TADA3: variants seen among roughly 807,000 people sequenced by gnomAD.
The protein encoded by TADA3 is transcriptional adapter 3.
Under a neutral mutation model 43.2 loss-of-function variants are expected in TADA3, and 25 were observed. The observed-to-expected ratio is 0.58, with a 90% CI of 0.42 to 0.81. The LOEUF (loss-of-function observed/expected upper bound fraction) is 0.81. Ranked by LOEUF, TADA3 falls within the 30% of genes least tolerant of loss-of-function variation. The pLI is 0.00. For synonymous variants in TADA3, 235 were observed against 225.5 expected (o/e 1.04, Z -0.38); for missense variants, 441 against 567.8 (o/e 0.78, Z 2.27).
chr3:9,786,725 G>A (rs1386705104), intron 6 of TADA3, among the ~76,000 whole-genome samples: 2 of 152,154 alleles, frequency 1.3e-5, no homozygotes, highest in Non-Finnish European at 2.9e-5. Flanking sequence ...GCATGAGAGG[G>A]GCTTCTAGGA....
rs767833803 is a variant in TADA3 at position 9,781,639 on chromosome 3, T to A, written c.1107-1090A>T. On this transcript the variant is annotated intron_variant, in intron 8 of 8. Transcript: ENST00000301964. ...CAGATCAATCTCTCTGAACAGGGTC[T>A]GATTTATACATTTCATCGATGGTGG... The A allele has an allele frequency of 9.1e-5, 40 of 438,764 alleles. 1 individual carries two copies. Among genetic ancestry groups the A allele is most frequent in the South Asian group, 6.2e-4 (40 of 64,236 alleles). 27.2% of individuals were successfully genotyped at this position (438,764 alleles called of 1,614,324 possible).
rs767722587 is a variant in TADA3 at position 9,784,057 on chromosome 3, G to A, written c.1077C>T (p.His359=). The A allele has an allele frequency of 9.9e-6, 16 of 1,614,024 alleles. No individual in the cohort carries two copies. Among genetic ancestry groups the A allele is most frequent in the East Asian group, 2.2e-5 (1 of 44,892 alleles). The change falls in exon 8 of 9, where the codon CAC becomes CAT. Residue 359 remains histidine, a synonymous_variant. Coordinates refer to ENST00000301964, the MANE Select transcript of TADA3 (RefSeq NM_006354.5). The part of the protein sequence containing the change: ...RQAELKALSA[H]NRTKKHDLLR... The stretch of plus-strand genomic sequence containing the variant: ...GCAGGTCGTGCTTCTTGGTGCGGTT[G>A]TGGGCACTAAGTGCCTTCAGCTCAG...
intron 8 of TADA3, chr3:9,783,809 A>T: frequency 1.3e-6 from 1 of 766,348 alleles, no homozygotes; most frequent in South Asian, 3.1e-5. Context: ...AAATCAAATC[A>T]ATCGGTCAGT....
intron 4 of TADA3, chr3:9,787,581 G>T (rs2078645677): frequency 1.9e-6 from 2 of 1,033,492 alleles, no homozygotes; most frequent in Admixed American, 2.8e-5. Context: ...TAATTCCCAA[G>T]ATAGAAGGTG....
rs17050572 is a variant in TADA3 at position 9,790,643 on chromosome 3, A to T, written c.207+617T>A. Among the ~76,000 whole-genome samples the T allele has an allele frequency of 2.2e-3, 335 of 152,352 alleles. 11 individuals carry two copies. In the East Asian group the frequency reaches 0.06, roughly 27 times the overall value. ...TTTATGCAGTGAATAAAGTCATCAG[A>T]GTAGCAAATAAATAACATCTGAAGT... On this transcript the variant is annotated intron_variant, in intron 2 of 8. Transcript: ENST00000301964.
At chr3:9,788,496 C>T (rs1044101161) in intron 4 of TADA3, among the ~76,000 whole-genome samples, 11 of 150,178 alleles carry the variant, frequency 7.3e-5, no homozygotes, top group Non-Finnish European at 1.3e-4. Flanking sequence ...CTGCCCGCCT[C>T]GGCCTCCCAA....
chr3:9,786,870 A>T (rs1374297284), intron 6 of TADA3, 136 bp downstream of exon 6: 9 of 711,602 alleles, frequency 1.3e-5, no homozygotes, highest in Non-Finnish European at 2.2e-5. Context: ...GCTATATATT[A>T]GTCCAGGTTT....
chr3:9,787,622 C>A, intron 4 of TADA3: 1 of 1,257,848 alleles, frequency 8.0e-7, no homozygotes, highest in South Asian at 1.3e-5. Flanking sequence ...TCTCAGGTCA[C>A]AGCAATTGCC....
Position 9,784,218 on chromosome 3 carries a change from A to G in TADA3, c.921-5T>C. 6.2e-7 allele frequency: 1 copy of G among 1,600,778 alleles called. No homozygotes were observed. Among genetic ancestry groups the G allele is most frequent in the South Asian group, 1.1e-5 (1 of 90,788 alleles). On this transcript the variant is annotated splice_polypyrimidine_tract_variant and splice_region_variant and intron_variant, in intron 7 of 8. Coordinates refer to ENST00000301964, the MANE Select transcript of TADA3 (RefSeq NM_006354.5). ...AGGGACTTAGTATGCGGCACACTGC[A>G]GCGGGAGGCAGGCCCGTCAGACTCA...
In TADA3 at chr3:9,789,735, G is replaced by C. The variant is rs2078693703; in HGVS notation, c.436C>G (p.Pro146Ala). The change falls in exon 3 of 9, where the codon CCC (proline) becomes GCC (alanine). Residue 146 changes from proline (P) to alanine (A), a missense_variant. By Grantham distance (27) the Pro-to-Ala change is conservative. Coordinates refer to ENST00000301964, the MANE Select transcript of TADA3 (RefSeq NM_006354.5). The stretch of plus-strand genomic sequence containing the variant: ...AACCTGTTGGGGGCATCATTTTTGG[G>C]GATCCGTGGCACGTCGATAGGGTCA... Reference protein sequence around the residue: ...TDDPIDVPRIPKNDAPNRFWA... With the variant: ...TDDPIDVPRIAKNDAPNRFWA... 5 of 1,613,336 alleles carry C rather than the reference G, an allele frequency of 3.1e-6. No homozygotes were observed. Among genetic ancestry groups the C allele is most frequent in the Non-Finnish European group, 4.2e-6 (5 of 1,179,420 alleles).
chr3:9,787,495 A>T (rs1045761996), intron 4 of TADA3, 155 bp from the exon 5 acceptor site: 10 of 1,134,950 alleles, frequency 8.8e-6, no homozygotes, highest in Non-Finnish European at 1.2e-5. Flanking sequence ...ACGAAGATAA[A>T]ACCTGTACTT....
At chr3:9,785,208 C>T in intron 7 of TADA3, 108 bp downstream of exon 7, 1 of 792,024 alleles carries the variant, frequency 1.3e-6, no homozygotes. Context: ...TTAGGCTTCA[C>T]CTAACTGCCC....
chr3:9,784,740 C>T (rs183698626), intron 7 of TADA3, among the ~76,000 whole-genome samples: 39 of 152,020 alleles, frequency 2.6e-4, no homozygotes, highest in Admixed American at 9.8e-4. Context: ...TGGCAGGCGC[C>T]TGTAATCACA....
At chr3:9,792,514 A>T (rs901116165), upstream of TADA3, 1 of 1,216,248 alleles carries the variant, frequency 8.2e-7, no homozygotes, top group Non-Finnish European at 1.0e-6. Flanking sequence ...GGGGGCGGGG[A>T]GTCAGCGAGG....
At chr3:9,781,971 A>G (rs2078479777) in intron 8 of TADA3, among the ~76,000 whole-genome samples, 1 of 150,980 alleles carries the variant, frequency 6.6e-6, no homozygotes, top group South Asian at 2.1e-4. Flanking sequence ...CCTGAGTAGG[A>G]CTATAGGCAT....
At chr3:9,788,090 G>C (rs1029878497) in intron 4 of TADA3, 4 of 225,674 alleles carry the variant, frequency 1.8e-5, no homozygotes, top group African/African-American at 6.8e-5. Flanking sequence ...GTAGATAACG[G>C]GAGGAAGAAA....
At chr3:9,786,861 CTATA>C in intron 6 of TADA3, 141 bp downstream of exon 6, 1 of 673,220 alleles carries the variant, frequency 1.5e-6, no homozygotes, top group East Asian at 2.6e-5. Flanking sequence ...CAATCTTTTG[CTATA>C]TATTAGTCCA....
upstream of TADA3, chr3:9,792,789 C>A (rs1005201509): frequency 3.2e-6 from 4 of 1,261,030 alleles, no homozygotes; most frequent in Non-Finnish European, 4.0e-6. Flanking sequence ...TAATTTGGTG[C>A]CCAATCTGAA....
intron 7 of TADA3, among the ~76,000 whole-genome samples, chr3:9,784,886 A>C (rs1439072418): frequency 6.6e-6 from 1 of 152,044 alleles, no homozygotes; most frequent in Non-Finnish European, 1.5e-5. Context: ...AAGAAAAAGA[A>C]AAAAAGAAAT....
Sources: allele counts gnomAD v4.1 joint callset (sites outside exome capture counted in the v4.1 genomes callset), GRCh38; gene constraint gnomAD v4.1.1; transcripts MANE v1.5; gene names NCBI Gene and HGNC (gene_info 2026-07-23, HGNC 2026-07-21).